OR6Y1: variants seen among roughly 807,000 people sequenced by gnomAD.
OR6Y1 encodes olfactory receptor 6Y1.
A neutral mutation model predicts 0.4 loss-of-function variants in OR6Y1; 1 was observed. The ratio of observed to expected loss-of-function variants is 2.74; its 90% confidence interval spans 0.97 to 13.02. The LOEUF (loss-of-function observed/expected upper bound fraction) is 13.02, where lower values mean the gene tolerates loss of function less well. Ranked by LOEUF, OR6Y1 falls within the 30% of genes most tolerant of loss-of-function variation. The probability of loss-of-function intolerance (pLI) is 0.12; values close to 1 mark genes in which losing one functional copy is unlikely to be tolerated. For synonymous variants in OR6Y1, 173 were observed against 141.1 expected, an observed-to-expected ratio of 1.23 and a Z score of -1.60; for missense variants, 480 against 399.8, an observed-to-expected ratio of 1.20 and a Z score of -1.71.
In OR6Y1 at chr1:158,547,444, G is replaced by A. The variant is rs896499239; in HGVS notation, c.662C>T (p.Ala221Val). ...GGTGGCAAGGATAGCAGCGTAGGAT[G>A]CCACCACAACACAAAGAGGAATAGC... ...VIAIPLCVVV[A>V]SYAAILATIL... The change falls in exon 2 of 2, where the codon GCA becomes GTA. Residue 221 changes from alanine (A) to valine (V), a missense_variant. Transcript: ENST00000641622. 1 of 1,613,418 alleles carries A rather than the reference G, an allele frequency of 6.2e-7. No homozygotes were observed. The highest frequency in any genetic ancestry group is 1.7e-5 in the Admixed American group (1 of 59,960).
At position 158,547,387 on chromosome 1, in the gene OR6Y1, T is replaced by C. The variant is rs1647572776; in HGVS notation, c.719A>G (p.Gln240Arg). 6.2e-7 allele frequency: 1 copy of C among 1,613,484 alleles called. No individual in the cohort carries two copies. Among genetic ancestry groups the C allele is most frequent in the African/African-American group, 1.3e-5 (1 of 74,438 alleles). The change falls in exon 2 of 2, where the codon CAA becomes CGA. Residue 240 changes from glutamine to arginine, a missense_variant. Transcript: ENST00000641622. ...GGAGGCACAGGTGGAGAATGCCTTT[T>C]GGCGGCCCTGAGCAGAAGGGATCCT... ...ILRIPSAQGR[Q>R]KAFSTCASHL...
At chr1:158,552,273 C>G (rs888620354) in intron 1 of OR6Y1, among the ~76,000 whole-genome samples, 10 of 145,906 alleles carry the variant, frequency 6.9e-5, no homozygotes, top group Admixed American at 5.5e-4. Flanking sequence ...GCCAGTTTAT[C>G]GGTTCCCTAA....
In OR6Y1 at chr1:158,548,969, C is replaced by T. The variant is rs1647629178; in HGVS notation, c.-864G>A. The T allele has an allele frequency of 6.6e-6, 1 of 151,518 alleles. No homozygotes were observed. The highest frequency in any genetic ancestry group is 2.4e-5 in the African/African-American group (1 of 40,950). 9.4% of individuals were successfully genotyped at this position (151,518 alleles called of 1,614,324 possible). On this transcript the variant is annotated 5_prime_UTR_variant, in exon 2 of 2. Coordinates refer to ENST00000641622, the MANE Select transcript of OR6Y1 (RefSeq NM_001005189.2). ...GACCTTTCCAGGCTACTTTACTTACCCCACATACATAGCTCCTCCTCCTTT... is the reference window on the plus strand; with the variant it reads ...GACCTTTCCAGGCTACTTTACTTACTCCACATACATAGCTCCTCCTCCTTT...
Position 158,548,873 on chromosome 1 carries a change from A to G in OR6Y1, c.-768T>C, listed in dbSNP as rs1647626758. 1 of 151,808 alleles carries G rather than the reference A, an allele frequency of 6.6e-6. No individual in the cohort carries two copies. Among genetic ancestry groups the G allele is most frequent in the Admixed American group, 6.6e-5 (1 of 15,238 alleles). 9.4% of individuals were successfully genotyped at this position (151,808 alleles called of 1,614,324 possible). ...TTTATTTCTAAAATGGGGATAATACAATGGGGTTCACATTTTGTGAACATC... is the reference window on the plus strand; with the variant it reads ...TTTATTTCTAAAATGGGGATAATACGATGGGGTTCACATTTTGTGAACATC... On this transcript the variant is annotated 5_prime_UTR_variant, in exon 2 of 2. Coordinates refer to ENST00000641622, the MANE Select transcript of OR6Y1 (RefSeq NM_001005189.2).
chr1:158,547,001 G>A lies in OR6Y1; in HGVS notation c.*127C>T, dbSNP rs1282003277. ...ATTGTGTATACACACACACACACAT[G>A]CACACACACACAGAGGAGAGCAGTG... On this transcript the variant is annotated 3_prime_UTR_variant, in exon 2 of 2. Coordinates refer to ENST00000641622, the MANE Select transcript of OR6Y1 (RefSeq NM_001005189.2). 1.6e-5 allele frequency: 13 copies of A among 825,262 alleles called. No homozygotes were observed. Among genetic ancestry groups the A allele is most frequent in the Admixed American group, 2.6e-5 (1 of 39,064 alleles). 51.1% of individuals were successfully genotyped at this position (825,262 alleles called of 1,614,324 possible). A position where few individuals can be genotyped will look rare whatever the true frequency, so the allele number is the denominator to read the frequency against.
rs1647625526 is a variant in OR6Y1 at position 158,548,802 on chromosome 1, T to C, written c.-697A>G. ...CATTCAAATCCAACTTTTGTCTTTG[T>C]ATAGCTAAGTGAGAGTACCACATAA... is the stretch of plus-strand genomic sequence containing the variant. On this transcript the variant is annotated 5_prime_UTR_variant, in exon 2 of 2. In the 5' UTR this introduces an upstream ATG that the reference lacks. Coordinates refer to ENST00000641622, the MANE Select transcript of OR6Y1 (RefSeq NM_001005189.2). 1 of 151,910 alleles carries C rather than the reference T, an allele frequency of 6.6e-6. No homozygotes were observed. The highest frequency in any genetic ancestry group is 6.6e-5 in the Admixed American group (1 of 15,260). 9.4% of individuals were successfully genotyped at this position (151,910 alleles called of 1,614,324 possible). A position where few individuals can be genotyped will look rare whatever the true frequency, so the allele number is the denominator to read the frequency against.
At position 158,548,147 on chromosome 1, in the gene OR6Y1, A is replaced by T; in HGVS notation, c.-42T>A. The T allele has an allele frequency of 6.3e-7, 1 of 1,579,288 alleles. No individual in the cohort carries two copies. Among genetic ancestry groups the T allele is most frequent in the Non-Finnish European group, 8.6e-7 (1 of 1,165,226 alleles). ...AGACAAAGTCAGTTCCTTCCATGAC[A>T]CAAGCACTAGTCTATGGTTATTTGT... On this transcript the variant is annotated 5_prime_UTR_variant, in exon 2 of 2. Coordinates refer to ENST00000641622, the MANE Select transcript of OR6Y1 (RefSeq NM_001005189.2).
intron 1 of OR6Y1, among the ~76,000 whole-genome samples, chr1:158,553,216 T>C (rs1286554350): frequency 6.6e-6 from 1 of 152,232 alleles, no homozygotes; most frequent in Non-Finnish European, 1.5e-5. Flanking sequence ...TGATTAATCT[T>C]TGCAGTTTAT....
At chr1:158,553,528 G>A (rs4657200) in intron 1 of OR6Y1, among the ~76,000 whole-genome samples, 150,464 of 152,100 alleles carry the variant, frequency 0.99, 74,432 homozygotes, top group Middle Eastern at 1. Flanking sequence ...TATATACCCC[G>A]CAAATACGTA....
chr1:158,548,187 C>T lies in OR6Y1; in HGVS notation c.-82G>A. 4.3e-6 allele frequency: 6 copies of T among 1,403,630 alleles called. No individual in the cohort carries two copies. The highest frequency in any genetic ancestry group is 5.8e-6 in the Non-Finnish European group (6 of 1,041,386). 86.9% of individuals were successfully genotyped at this position (1,403,630 alleles called of 1,614,324 possible). A position where few individuals can be genotyped will look rare whatever the true frequency, so the allele number is the denominator to read the frequency against. On this transcript the variant is annotated 5_prime_UTR_variant, in exon 2 of 2. The change creates a new upstream start codon in the 5' untranslated region. Coordinates refer to ENST00000641622, the MANE Select transcript of OR6Y1 (RefSeq NM_001005189.2). Reference sequence around the variant, plus strand: ...TGGTTATTTGTATTGATAGAGCCCACCACCAGCAAATTTATCACAATAGGA... The same window carrying T: ...TGGTTATTTGTATTGATAGAGCCCATCACCAGCAAATTTATCACAATAGGA...
rs1303146743 is a variant in OR6Y1, at chr1:158,546,409, T to C, written c.*719A>G. 6.6e-6 allele frequency: 1 copy of C among 152,220 alleles called. No individual in the cohort carries two copies. Among genetic ancestry groups the C allele is most frequent in the Non-Finnish European group, 1.5e-5 (1 of 68,036 alleles). 9.4% of individuals were successfully genotyped at this position (152,220 alleles called of 1,614,324 possible). A position where few individuals can be genotyped will look rare whatever the true frequency, so the allele number is the denominator to read the frequency against. On this transcript the variant is annotated 3_prime_UTR_variant, in exon 2 of 2. Transcript: ENST00000641622. The stretch of plus-strand genomic sequence containing the variant: ...AAGTTTATTTTAAAGTGTTTTTTAA[T>C]ATTTAAGGTTGGTATATGTTATTAT...
rs927077994 is a variant in OR6Y1, at chr1:158,546,614, C to G, written c.*514G>C. ...CTGGACTCAGGGGATCCTCCTGCCT[C>G]AGTCTCTTGAGTAGCTGGGACTACA... On this transcript the variant is annotated 3_prime_UTR_variant, in exon 2 of 2. Transcript: ENST00000641622. 1 of 152,758 alleles carries G rather than the reference C, an allele frequency of 6.5e-6. No homozygotes were observed. The highest frequency in any genetic ancestry group is 1.5e-5 in the Non-Finnish European group (1 of 68,514). The allele number at this position is 152,758 out of a possible 1,614,324, so 9.5% of individuals were successfully genotyped here. A position where few individuals can be genotyped will look rare whatever the true frequency, so the allele number is the denominator to read the frequency against.
Position 158,547,813 on chromosome 1 carries a change from G to A in OR6Y1, c.293C>T (p.Ser98Phe), listed in dbSNP as rs918193177. The A allele has an allele frequency of 6.2e-7, 1 of 1,613,436 alleles. No homozygotes were observed. The highest frequency in any genetic ancestry group is 1.7e-5 in the Admixed American group (1 of 59,970). The change falls in exon 2 of 2, where the codon TCC (serine) becomes TTC (phenylalanine). Residue 98 changes from serine to phenylalanine, a missense_variant. By Grantham distance (155) the Ser-to-Phe change is radical. Coordinates refer to ENST00000641622, the MANE Select transcript of OR6Y1 (RefSeq NM_001005189.2). ...VDFLSHDKSI[S>F]FNGCMTQLYF... ...AAGTTGAGTCATGCAGCCATTGAAG[G>A]AAATACTCTTGTCATGACTGAGGAA...
rs1393684723 is a variant in OR6Y1 at position 158,545,886 on chromosome 1, C to T, written c.*1242G>A. On this transcript the variant is annotated 3_prime_UTR_variant, in exon 2 of 2. Transcript: ENST00000641622. Reference sequence around the variant, plus strand: ...TCCAGTATTAGTTTCCTAGGGCTGCCATTAAAAAGTACCAAATACTGTCTC... The same window carrying T: ...TCCAGTATTAGTTTCCTAGGGCTGCTATTAAAAAGTACCAAATACTGTCTC... 1 of 152,018 alleles carries T rather than the reference C, an allele frequency of 6.6e-6. No individual in the cohort carries two copies. Among genetic ancestry groups the T allele is most frequent in the Non-Finnish European group, 1.5e-5 (1 of 67,988 alleles). The allele number at this position is 152,018 out of a possible 1,614,324, so 9.4% of individuals were successfully genotyped here.
Position 158,546,969 on chromosome 1 carries a change from A to C in OR6Y1, c.*159T>G. 1.6e-6 allele frequency: 1 copy of C among 643,136 alleles called. No homozygotes were observed. Among genetic ancestry groups the C allele is most frequent in the Non-Finnish European group, 2.6e-6 (1 of 390,932 alleles). The allele number at this position is 643,136 out of a possible 1,614,324, so 39.8% of individuals were successfully genotyped here. On this transcript the variant is annotated 3_prime_UTR_variant, in exon 2 of 2. Transcript: ENST00000641622. ...TTACTTCTTGAGAACATGTTTCTCC[A>C]GTCATGATTGTGTATACACACACAC...
At position 158,547,970 on chromosome 1, in the gene OR6Y1, C is replaced by G; in HGVS notation, c.136G>C (p.Glu46Gln). The change falls in exon 2 of 2, where the codon GAG (glutamate) becomes CAG (glutamine). Residue 46 changes from glutamate (E) to glutamine (Q), a missense_variant. Coordinates refer to ENST00000641622, the MANE Select transcript of OR6Y1 (RefSeq NM_001005189.2). ...FLATYLLTLL[E>Q]NLLIILAIHS... ...ATAGCTAAGATGATAAGAAGATTCT[C>G]CAGCAGTGTCAGCAGATAGGTTGCC... The G allele has an allele frequency of 6.2e-7, 1 of 1,613,448 alleles. No homozygotes were observed. Among genetic ancestry groups the G allele is most frequent in the Non-Finnish European group, 8.5e-7 (1 of 1,179,984 alleles).
Position 158,549,301 on chromosome 1 carries a change from C to G in OR6Y1, c.-1196G>C, listed in dbSNP as rs1211899471. On this transcript the variant is annotated 5_prime_UTR_variant, in exon 2 of 2. It removes an upstream start codon present in the reference 5' UTR. Transcript: ENST00000641622. ...AACCCATTGATACTAAACACCTTCC[C>G]ATTTCAAGTCTTGCTCTGTGTCCTA... The G allele has an allele frequency of 6.6e-6, 1 of 151,802 alleles. No homozygotes were observed. The highest frequency in any genetic ancestry group is 1.9e-4 in the East Asian group (1 of 5,204). 9.4% of individuals were successfully genotyped at this position (151,802 alleles called of 1,614,324 possible).
chr1:158,546,156 C>G lies in OR6Y1; in HGVS notation c.*972G>C, dbSNP rs993837039. On this transcript the variant is annotated 3_prime_UTR_variant, in exon 2 of 2. Transcript: ENST00000641622. ...CAAATTTTTCCTTTTTATAATGACA[C>G]CAGTCATATTGTCTTAGGGCCCACC... 1 of 152,110 alleles carries G rather than the reference C, an allele frequency of 6.6e-6. No homozygotes were observed. The highest frequency in any genetic ancestry group is 1.5e-5 in the Non-Finnish European group (1 of 68,028). 9.4% of individuals were successfully genotyped at this position (152,110 alleles called of 1,614,324 possible).
Position 158,548,879 on chromosome 1 carries a change from G to A in OR6Y1, c.-774C>T, listed in dbSNP as rs530844418. 1.7e-4 allele frequency: 26 copies of A among 151,736 alleles called. No individual in the cohort carries two copies. Among genetic ancestry groups the A allele is most frequent in the African/African-American group, 6.1e-4 (25 of 41,136 alleles). 9.4% of individuals were successfully genotyped at this position (151,736 alleles called of 1,614,324 possible). On this transcript the variant is annotated 5_prime_UTR_variant, in exon 2 of 2. Transcript: ENST00000641622. ...TCTAAAATGGGGATAATACAATGGG[G>A]TTCACATTTTGTGAACATCAAATGG...
Sources: allele counts gnomAD v4.1 joint callset (sites outside exome capture counted in the v4.1 genomes callset), GRCh38; gene constraint gnomAD v4.1.1; transcripts MANE v1.5; gene names NCBI Gene and HGNC (gene_info 2026-07-23, HGNC 2026-07-21).